Variants in VPS26C observed in about 807,000 individuals in gnomAD.
VPS26C encodes vacuolar protein sorting-associated protein 26C.
VPS26C carries 19 observed loss-of-function variants against 30.6 expected under a neutral mutation model. That is an observed-to-expected ratio of 0.62 (90% CI 0.43 to 0.91). The LOEUF is 0.91. Ranked by LOEUF, VPS26C falls within the 40% of genes least tolerant of loss-of-function variation. The pLI is 0.00. For synonymous variants in VPS26C, 132 were observed against 151.5 expected (o/e 0.87, Z 0.95); for missense variants, 318 against 385.1 (o/e 0.83, Z 1.46).
At chr21:37,243,768 A>G (rs572393362) in intron 1 of VPS26C, among the ~76,000 whole-genome samples, 55 of 152,248 alleles carry the variant, frequency 3.6e-4, no homozygotes, top group Non-Finnish European at 5.3e-4. Context: ...TGGAGAGCCA[A>G]TCGCCCATCA....
chr21:37,236,290 C>T (rs2086023035), intron 3 of VPS26C, among the ~76,000 whole-genome samples: 1 of 152,050 alleles, frequency 6.6e-6, no homozygotes, highest in Non-Finnish European at 1.5e-5. Context: ...AAGTCACTGC[C>T]GTCTCTGGGC....
chr21:37,234,304 GCACTTGCA>G (rs1569233189), intron 3 of VPS26C, among the ~76,000 whole-genome samples: 1 of 152,194 alleles, frequency 6.6e-6, no homozygotes, highest in African/African-American at 2.4e-5. Context: ...ATGTAGCATC[GCACTTGCA>G]CACTTGCTTT....
intron 1 of VPS26C, among the ~76,000 whole-genome samples, chr21:37,247,547 GCTA>G (rs2086149576): frequency 6.6e-6 from 1 of 152,096 alleles, no homozygotes; most frequent in Non-Finnish European, 1.5e-5. Context: ...TGTTTCAAAA[GCTA>G]CTTAAAAACA....
At chr21:37,256,650 G>A (rs1403358615) in intron 1 of VPS26C, among the ~76,000 whole-genome samples, 3 of 152,226 alleles carry the variant, frequency 2.0e-5, no homozygotes, top group South Asian at 2.1e-4. Flanking sequence ...AACAAGTGAC[G>A]GCACAAGCTC....
intron 1 of VPS26C, among the ~76,000 whole-genome samples, chr21:37,254,300 G>C (rs929369504): frequency 6.6e-6 from 1 of 152,210 alleles, no homozygotes; most frequent in Admixed American, 6.5e-5. Flanking sequence ...GAGTCTAGCA[G>C]CAAATGAGGC....
Position 37,233,201 on chromosome 21 carries a change from T to C in VPS26C, c.432+161A>G. 1 of 640,538 alleles carries C rather than the reference T, an allele frequency of 1.6e-6. No homozygotes were observed. Among genetic ancestry groups the C allele is most frequent in the South Asian group, 1.8e-5 (1 of 55,784 alleles). 39.7% of individuals were successfully genotyped at this position (640,538 alleles called of 1,614,324 possible). ...GCCCAGGACAATGATGCACACGTGATGCGCATGCCACCGACTGTCTCTGAC... is the reference window on the plus strand; with the variant it reads ...GCCCAGGACAATGATGCACACGTGACGCGCATGCCACCGACTGTCTCTGAC... On this transcript the variant is annotated intron_variant, in intron 4 of 7. Transcript: ENST00000309117. The surrounding 1 kb of genome is among the most constrained non-coding windows in gnomAD (Gnocchi z 5.2).
intron 1 of VPS26C, among the ~76,000 whole-genome samples, chr21:37,252,788 C>T (rs186518973): frequency 1.3e-5 from 2 of 152,256 alleles, no homozygotes; most frequent in East Asian, 1.9e-4. Flanking sequence ...TGAATCCGAA[C>T]GAAATGCATT....
At chr21:37,227,512 C>G in intron 7 of VPS26C, 142 bp downstream of exon 7, 1 of 955,804 alleles carries the variant, frequency 1.0e-6, no homozygotes. Context: ...GCAGCAGGCT[C>G]TGAGCTGTAT....
chr21:37,252,615 A>C (rs1437614068), intron 1 of VPS26C, among the ~76,000 whole-genome samples: 1 of 152,220 alleles, frequency 6.6e-6, no homozygotes, highest in African/African-American at 2.4e-5. Flanking sequence ...GTGAAATGAA[A>C]GCTATGTTCA....
intron 6 of VPS26C, among the ~76,000 whole-genome samples, 179 bp from the exon 7 acceptor site, chr21:37,227,985 G>A (rs910473214): frequency 1.3e-5 from 2 of 152,156 alleles, no homozygotes; most frequent in South Asian, 2.1e-4. Flanking sequence ...CTTCCCCGAC[G>A]TCCTCTCGTT....
rs990056745 is a variant in VPS26C, at chr21:37,233,764, T to C, written c.352-322A>G. ...CAGGCTGGCGAGACAGAAAGGGCAGTGCGCTCAGGAGCAGACGCCAGGCCA... is the reference window on the plus strand; with the variant it reads ...CAGGCTGGCGAGACAGAAAGGGCAGCGCGCTCAGGAGCAGACGCCAGGCCA... On this transcript the variant is annotated intron_variant, in intron 3 of 7. Transcript: ENST00000309117. The surrounding 1 kb of genome is among the most constrained non-coding windows in gnomAD (Gnocchi z 5.2). Among the ~76,000 whole-genome samples the C allele has an allele frequency of 1.3e-5, 2 of 152,304 alleles. No homozygotes were observed. Among genetic ancestry groups the C allele is most frequent in the Admixed American group, 1.3e-4 (2 of 15,302 alleles).
chr21:37,240,470 C>T, intron 2 of VPS26C, 26 bp downstream of exon 2: 1 of 1,612,622 alleles, frequency 6.2e-7, no homozygotes, highest in Non-Finnish European at 8.5e-7. Context: ...GAACTAAAAA[C>T]TTGCAATCTA....
upstream of VPS26C, chr21:37,267,451 G>C: frequency 1.9e-6 from 1 of 513,440 alleles, no homozygotes; most frequent in Admixed American, 4.8e-5. Flanking sequence ...CCCTAGCTCC[G>C]AGGGGCGAAT....
chr21:37,247,267 A>T (rs1265638740), intron 1 of VPS26C, among the ~76,000 whole-genome samples: 1 of 152,222 alleles, frequency 6.6e-6, no homozygotes, highest in Non-Finnish European at 1.5e-5. Context: ...TAAGTCAAAT[A>T]ATGTCGTACA....
chr21:37,241,219 T>C (rs1383000528), intron 1 of VPS26C, among the ~76,000 whole-genome samples: 1 of 152,160 alleles, frequency 6.6e-6, no homozygotes, highest in African/African-American at 2.4e-5. Flanking sequence ...GCATGCCACT[T>C]TCCAGAAGGA....
intron 5 of VPS26C, among the ~76,000 whole-genome samples, chr21:37,230,081 G>T (rs1255310729): frequency 6.6e-6 from 1 of 152,148 alleles, no homozygotes; most frequent in Non-Finnish European, 1.5e-5. Context: ...TGCCCACGCT[G>T]GTCTTGAACT....
intron 1 of VPS26C, chr21:37,266,820 C>T (rs374673577): frequency 9.3e-6 from 2 of 215,506 alleles, no homozygotes; most frequent in African/African-American, 2.4e-5. Context: ...TTTGTTTTAG[C>T]TTTCGTTCAT....
intron 3 of VPS26C, among the ~76,000 whole-genome samples, chr21:37,235,640 A>C (rs1460027328): frequency 6.6e-6 from 1 of 152,094 alleles, no homozygotes; most frequent in Admixed American, 6.5e-5. Context: ...AATTATTGTA[A>C]AAAGAAGAAG....
At chr21:37,244,256 G>T (rs1256142275) in intron 1 of VPS26C, among the ~76,000 whole-genome samples, 1 of 152,222 alleles carries the variant, frequency 6.6e-6, no homozygotes, top group African/African-American at 2.4e-5. Context: ...TTCTAACTTT[G>T]TATTCTCTTT....
Sources: gnomAD v4.1 joint callset for allele counts (sites outside exome capture counted in the v4.1 genomes callset) on GRCh38, gnomAD v4.1.1 for gene constraint, Gnocchi (gnomAD v3.1) non-coding constraint, MANE v1.5 for transcripts, NCBI Gene and HGNC (gene_info 2026-07-23, HGNC 2026-07-21) for gene names.